Variants in SPATS2 observed in about 807,000 individuals in gnomAD.
SPATS2 encodes the protein spermatogenesis-associated serine-rich protein 2.
Under a neutral mutation model 63.7 loss-of-function variants are expected in SPATS2, and 38 were observed. That is an observed-to-expected ratio of 0.60 (90% CI 0.46 to 0.78). SPATS2 has a LOEUF of 0.78. Among genes scored for constraint, SPATS2 ranks in the 30% least tolerant of loss-of-function variants. SPATS2 has a pLI of 0.00. For synonymous variants in SPATS2, 207 were observed against 232.9 expected (o/e 0.89, Z 1.01); for missense variants, 588 against 666.2 (o/e 0.88, Z 1.29).
At chr12:49,516,395 T>A (rs1484506253) in intron 10 of SPATS2, among the ~76,000 whole-genome samples, 1 of 149,590 alleles carries the variant, frequency 6.7e-6, no homozygotes, top group East Asian at 2.0e-4. Flanking sequence ...TTAAGAATAT[T>A]AATACATCTT....
chr12:49,516,814 T>C (rs1946859631), intron 10 of SPATS2, among the ~76,000 whole-genome samples: 1 of 152,212 alleles, frequency 6.6e-6, no homozygotes. Flanking sequence ...GCCAATCTTA[T>C]TTTATCAAAT....
At chr12:49,438,652 A>C (rs1386101463) in intron 2 of SPATS2, among the ~76,000 whole-genome samples, 1 of 152,320 alleles carries the variant, frequency 6.6e-6, no homozygotes, top group East Asian at 1.9e-4. Context: ...TTTATTTTGC[A>C]TCTTGCCGAT....
At chr12:49,488,385 C>T (rs976238129) in intron 4 of SPATS2, among the ~76,000 whole-genome samples, 1 of 151,868 alleles carries the variant, frequency 6.6e-6, no homozygotes, top group Non-Finnish European at 1.5e-5. Context: ...AGGCCAGGTG[C>T]GGTAGCTCAA....
intron 2 of SPATS2, chr12:49,389,638 A>G (rs1325995727): frequency 8.2e-7 from 1 of 1,216,676 alleles, no homozygotes; most frequent in Non-Finnish European, 1.2e-6. Context: ...AGCGAGTAGA[A>G]GCCACGAAGC....
At chr12:49,408,309 A>G (rs370427641) in intron 2 of SPATS2, among the ~76,000 whole-genome samples, 121 of 150,554 alleles carry the variant, frequency 8.0e-4, no homozygotes, top group African/African-American at 2.8e-3. Context: ...CTGAAGTGCA[A>G]TGGCACAATC....
chr12:49,469,962 T>G (rs1946005073), intron 3 of SPATS2, among the ~76,000 whole-genome samples: 3 of 152,030 alleles, frequency 2.0e-5, no homozygotes, highest in Admixed American at 6.6e-5. Flanking sequence ...ATTCATCTCA[T>G]TCAAAAAGGT....
intron 1 of SPATS2, among the ~76,000 whole-genome samples, chr12:49,370,801 C>G (rs1054426571): frequency 1.3e-5 from 2 of 152,086 alleles, no homozygotes; most frequent in Non-Finnish European, 2.9e-5. Flanking sequence ...CCCACCTGCC[C>G]AGAAAGGATC....
At chr12:49,461,209 A>G (rs1945816197) in intron 3 of SPATS2, 172 bp downstream of exon 3, 4 of 683,978 alleles carry the variant, frequency 5.8e-6, no homozygotes, top group Admixed American at 6.4e-5. Context: ...TTCATATAAC[A>G]ATAGCTTTTC....
chr12:49,482,361 G>C (rs909340493), intron 3 of SPATS2, among the ~76,000 whole-genome samples: 1 of 152,188 alleles, frequency 6.6e-6, no homozygotes, highest in South Asian at 2.1e-4. Context: ...CTTTCTCTGA[G>C]GGGTAGCTGT....
chr12:49,433,687 G>A (rs752375203), intron 2 of SPATS2, among the ~76,000 whole-genome samples: 15 of 151,982 alleles, frequency 9.9e-5, no homozygotes, highest in Non-Finnish European at 1.9e-4. Context: ...CATAAATTCT[G>A]GATATTAACC....
chr12:49,407,114 C>T (rs1944711047), intron 2 of SPATS2, among the ~76,000 whole-genome samples: 1 of 152,190 alleles, frequency 6.6e-6, no homozygotes, highest in South Asian at 2.1e-4. Flanking sequence ...CTACATATCA[C>T]ATTTCATCTT....
rs1947040137 is a variant in SPATS2 at position 49,526,590 on chromosome 12, C to T, written c.*335C>T. On this transcript the variant is annotated 3_prime_UTR_variant, in exon 14 of 14. Coordinates refer to ENST00000552918, the MANE Select transcript of SPATS2 (RefSeq NM_023071.4). ...CAGGAGGAGGTGAATCAGAGCTAGT[C>T]TGTCACCTTTCCAATCTAAGCCGAA... 1 of 265,824 alleles carries T rather than the reference C, an allele frequency of 3.8e-6. No homozygotes were observed. The highest frequency in any genetic ancestry group is 2.2e-5 in the African/African-American group (1 of 44,574). 16.5% of individuals were successfully genotyped at this position (265,824 alleles called of 1,614,324 possible). A position where few individuals can be genotyped will look rare whatever the true frequency, so the allele number is the denominator to read the frequency against.
chr12:49,387,988 C>A lies in SPATS2; in HGVS notation c.-244+16698C>A, dbSNP rs568108883. 2.0e-5 allele frequency among the ~76,000 whole-genome samples: 3 copies of A among 152,184 alleles called. 1 individual carries two copies. The highest frequency in any genetic ancestry group is 6.8e-3 in the Middle Eastern group (2 of 294). ...GAGGCAGGGTCTTGCTATATTATAG[C>A]CCAGCCTGGCTTCAAACTTGTGGGC... On this transcript the variant is annotated intron_variant, in intron 2 of 13. Transcript: ENST00000552918.
intron 2 of SPATS2, among the ~76,000 whole-genome samples, chr12:49,395,091 A>G (rs1442796048): frequency 1.3e-5 from 2 of 151,998 alleles, no homozygotes; most frequent in East Asian, 3.8e-4. Context: ...AAAAAAGACA[A>G]TTTTATTTCT....
upstream of SPATS2, chr12:49,367,193 G>A (rs962005291): frequency 2.7e-5 from 5 of 182,730 alleles, no homozygotes; most frequent in African/African-American, 4.7e-5. Context: ...CTCGAGCCGC[G>A]CTCGCGCACC....
chr12:49,390,704 T>G (rs1424770646), intron 2 of SPATS2, among the ~76,000 whole-genome samples: 1 of 152,232 alleles, frequency 6.6e-6, no homozygotes, highest in African/African-American at 2.4e-5. Flanking sequence ...ATGTGTTATA[T>G]GTACCATAAA....
At chr12:49,453,488 T>A (rs897305882) in intron 2 of SPATS2, among the ~76,000 whole-genome samples, 4 of 152,142 alleles carry the variant, frequency 2.6e-5, no homozygotes, top group Admixed American at 6.6e-5. Flanking sequence ...CTCTGCTCAG[T>A]TTTTATACAT....
chr12:49,526,082 C>T lies in SPATS2; in HGVS notation c.1465C>T (p.Gln489Ter). Reference protein sequence around the residue: ...SSWYSSGSRYQSAPSQAPGNT... With the variant: ...SSWYSSGSRY Reference sequence around the variant, plus strand: ...GTGGTATTCATCTGGTTCCAGGTATCAGAGTGCTCCATCTCAGGCACCAGG... The same window carrying T: ...GTGGTATTCATCTGGTTCCAGGTATTAGAGTGCTCCATCTCAGGCACCAGG... Residue 489 changes from glutamine (Q) to a stop codon, truncating the protein, a stop_gained, in exon 14 of 14, where the codon CAG becomes TAG. Transcript: ENST00000552918. LOFTEE classifies it high-confidence loss of function. 1 of 1,614,208 alleles carries T rather than the reference C, an allele frequency of 6.2e-7. No homozygotes were observed. Among genetic ancestry groups the T allele is most frequent in the Non-Finnish European group, 8.5e-7 (1 of 1,180,042 alleles).
rs551150545 is a variant in SPATS2, at chr12:49,427,480, G to A, written c.-243-33290G>A. Among the ~76,000 whole-genome samples, 7 of 152,202 alleles carry A rather than the reference G, an allele frequency of 4.6e-5. No homozygotes were observed. In the South Asian group the frequency reaches 1.5e-3, roughly 32 times the overall value. ...TTTTCTTAACTGTTATGAATACTACGTGTTTTCTAATGTACCATGAGCAAG... is the reference window on the plus strand; with the variant it reads ...TTTTCTTAACTGTTATGAATACTACATGTTTTCTAATGTACCATGAGCAAG... On this transcript the variant is annotated intron_variant, in intron 2 of 13. Coordinates refer to ENST00000552918, the MANE Select transcript of SPATS2 (RefSeq NM_023071.4).
Sources: gnomAD v4.1 joint callset for allele counts (sites outside exome capture counted in the v4.1 genomes callset) on GRCh38, gnomAD v4.1.1 for gene constraint, MANE v1.5 for transcripts, NCBI Gene and HGNC (gene_info 2026-07-23, HGNC 2026-07-21) for gene names.